Variants in SYK observed in about 807,000 individuals in gnomAD.
SYK encodes the protein spleen associated tyrosine kinase, also known as tyrosine-protein kinase SYK.
A neutral mutation model predicts 77.8 loss-of-function variants in SYK; 16 were observed. The observed-to-expected ratio is 0.21, with a 90% CI of 0.14 to 0.31. SYK has a LOEUF of 0.31. Among genes scored for constraint, SYK ranks in the 10% least tolerant of loss-of-function variants. The pLI is 1.00. For synonymous variants in SYK, 312 were observed against 308.7 expected, an observed-to-expected ratio of 1.01 and a Z score of -0.11; for missense variants, 529 against 814.4, an observed-to-expected ratio of 0.65 and a Z score of 4.26.
At chr9:90,802,134 G>C (rs1225204899) in intron 1 of SYK, 2 of 152,224 alleles carry the variant, frequency 1.3e-5, no homozygotes, top group Non-Finnish European at 2.9e-5. Context: ...GGAGGGGACG[G>C]AGGTCAGACC....
chr9:90,877,737 A>C lies in SYK; in HGVS notation c.1348A>C (p.Met450Leu), dbSNP rs747744702. ...CGAGTCCTGGATGCTGGTTATGGAG[A>C]TGGCAGAACTTGGTCCCCTCAATAA... ...EAESWMLVME[M>L]AELGPLNKYL... The change falls in exon 10 of 14, where the codon ATG (methionine) becomes CTG (leucine). Residue 450 changes from methionine (M) to leucine (L), a missense_variant. Met to Leu is a conservative substitution (Grantham distance 15, BLOSUM62 2). Around this residue, in one of 2 missense-constraint regions of SYK, gnomAD observed 208 missense variants for 381.3 expected, o/e 0.55. Transcript: ENST00000375754. 1 of 1,614,192 alleles carries C rather than the reference A, an allele frequency of 6.2e-7. No homozygotes were observed. Among genetic ancestry groups the C allele is most frequent in the South Asian group, 1.1e-5 (1 of 91,076 alleles).
intron 1 of SYK, among the ~76,000 whole-genome samples, chr9:90,825,064 T>A (rs4744507): frequency 1 from 151,377 of 151,390 alleles, 75,682 homozygotes; most frequent in Non-Finnish European, 1. Context: ...TACCAGTAGT[T>A]AACTATTGAA....
At chr9:90,831,375 T>C (rs1328975484) in intron 1 of SYK, among the ~76,000 whole-genome samples, 16 of 152,164 alleles carry the variant, frequency 1.1e-4, no homozygotes, top group Admixed American at 1.0e-3. Flanking sequence ...TAAAAAGGGA[T>C]ACAGAGACAT....
intron 11 of SYK, among the ~76,000 whole-genome samples, chr9:90,886,515 C>A (rs1828585315): frequency 6.6e-6 from 1 of 152,148 alleles, no homozygotes; most frequent in African/African-American, 2.4e-5. Context: ...ACCATCCTGG[C>A]TAACACGGTG....
chr9:90,804,998 C>T (rs759389634), intron 1 of SYK, among the ~76,000 whole-genome samples: 4 of 151,652 alleles, frequency 2.6e-5, no homozygotes, highest in Non-Finnish European at 5.9e-5. Flanking sequence ...GTTTGCCCTA[C>T]ATCTCTTAAA....
At chr9:90,856,040 G>C (rs764227385) in intron 3 of SYK, among the ~76,000 whole-genome samples, 3 of 152,184 alleles carry the variant, frequency 2.0e-5, no homozygotes, top group Non-Finnish European at 4.4e-5. Context: ...TTCCGATAAA[G>C]TTATCTTTGA....
chr9:90,867,329 T>C, intron 7 of SYK, 130 bp downstream of exon 7: 1 of 943,178 alleles, frequency 1.1e-6, no homozygotes, highest in East Asian at 2.5e-5. Context: ...CAGGCCTCTT[T>C]GCCCTTGCTC....
upstream of SYK, among the ~76,000 whole-genome samples, chr9:90,801,602 C>T (rs34221447): frequency 0.17 from 25,514 of 152,184 alleles, 2,409 homozygotes; most frequent in Middle Eastern, 0.28. Flanking sequence ...CGCGCCCCAC[C>T]CGGGCTCCTC....
chr9:90,877,818 C>T, intron 10 of SYK, 38 bp downstream of exon 10: 1 of 1,610,752 alleles, frequency 6.2e-7, no homozygotes, highest in Non-Finnish European at 8.5e-7. Flanking sequence ...GAAGCTATCC[C>T]CTAAGGGACA....
chr9:90,841,391 T>TGTGTGTGTAG, intron 1 of SYK, among the ~76,000 whole-genome samples: 11 of 64,470 alleles, frequency 1.7e-4, no homozygotes, highest in Non-Finnish European at 2.5e-4. Context: ...TGTGTGTAGT[T>TGTGTGTGTAG]TGTGTATGAC....
intron 11 of SYK, among the ~76,000 whole-genome samples, chr9:90,883,817 C>A (rs1373998971): frequency 6.6e-6 from 1 of 152,110 alleles, no homozygotes; most frequent in East Asian, 1.9e-4. Context: ...TGCCCACATG[C>A]CCAGCCACTG....
intron 1 of SYK, among the ~76,000 whole-genome samples, chr9:90,834,699 G>A (rs1224986071): frequency 1.3e-5 from 2 of 152,236 alleles, no homozygotes; most frequent in African/African-American, 2.4e-5. Flanking sequence ...AGCTATGAAT[G>A]TGGCCCAACT....
rs577117094 is a variant in SYK, at chr9:90,835,520, G to T, written c.-41-8338G>T. Reference sequence around the variant, plus strand: ...GAGTGGCTGCCAAGAGCAAGCATTTGCAGGTTGTTTTGGGGAAGCAGAACT... The same window carrying T: ...GAGTGGCTGCCAAGAGCAAGCATTTTCAGGTTGTTTTGGGGAAGCAGAACT... On this transcript the variant is annotated intron_variant, in intron 1 of 13. Transcript: ENST00000375754. Among the ~76,000 whole-genome samples the T allele has an allele frequency of 7.2e-5, 11 of 152,356 alleles. 1 individual carries two copies. In the South Asian group the frequency reaches 2.3e-3, roughly 32 times the overall value.
chr9:90,818,823 C>T (rs1430607735), intron 1 of SYK, among the ~76,000 whole-genome samples: 1 of 152,192 alleles, frequency 6.6e-6, no homozygotes, highest in Non-Finnish European at 1.5e-5. Flanking sequence ...GGCTCAGGCC[C>T]CTCTGGTGCC....
chr9:90,841,179 A>C (rs1826303370), intron 1 of SYK, among the ~76,000 whole-genome samples: 1 of 142,594 alleles, frequency 7.0e-6, no homozygotes, highest in African/African-American at 2.6e-5. Flanking sequence ...GTGTGTTTTT[A>C]TGTGTAGTGT....
chr9:90,849,992 C>G (rs1038812145), intron 3 of SYK, among the ~76,000 whole-genome samples: 1 of 152,246 alleles, frequency 6.6e-6, no homozygotes, highest in African/African-American at 2.4e-5. Context: ...GTCCTCCATG[C>G]AAACTCTTTC....
At chr9:90,850,182 A>C (rs1253979019) in intron 3 of SYK, among the ~76,000 whole-genome samples, 1 of 152,204 alleles carries the variant, frequency 6.6e-6, no homozygotes, top group Non-Finnish European at 1.5e-5. Context: ...AAAAGGATTC[A>C]CACTAGGCTT....
At chr9:90,842,470 G>A (rs1826403316) in intron 1 of SYK, among the ~76,000 whole-genome samples, 3 of 151,430 alleles carry the variant, frequency 2.0e-5, no homozygotes, top group Admixed American at 1.3e-4. Flanking sequence ...CATGTGTGTG[G>A]TGTGTATGTA....
intron 1 of SYK, among the ~76,000 whole-genome samples, chr9:90,828,665 G>C (rs1217025858): frequency 6.6e-6 from 1 of 152,184 alleles, no homozygotes; most frequent in Non-Finnish European, 1.5e-5. Context: ...ACAAAAGCTA[G>C]CTCTCTTTTT....
Sources: allele counts gnomAD v4.1 joint callset (sites outside exome capture counted in the v4.1 genomes callset), GRCh38; gene constraint gnomAD v4.1.1; regional missense constraint gnomAD v4.1.1; transcripts MANE v1.5; gene names NCBI Gene and HGNC (gene_info 2026-07-23, HGNC 2026-07-21).